PRKRIP1: variants seen among roughly 807,000 people sequenced by gnomAD.
The protein encoded by PRKRIP1 is PRKR-interacting protein 1.
In PRKRIP1, 29 loss-of-function variants were observed where a neutral mutation model predicts 29.3. The observed-to-expected ratio is 0.99, with a 90% CI of 0.74 to 1.35. The LOEUF is 1.35. Ranked by LOEUF, PRKRIP1 falls within the 40% of genes most tolerant of loss-of-function variation. The pLI, the probability that PRKRIP1 is intolerant of heterozygous loss-of-function variation, is 0.00. For missense variants in PRKRIP1, 247 were observed against 236.8 expected (o/e 1.04, Z -0.28); for synonymous variants, 90 against 85.1 (o/e 1.06, Z -0.32).
intron 1 of PRKRIP1, among the ~76,000 whole-genome samples, chr7:102,396,805 T>C (rs1426075091): frequency 6.6e-6 from 1 of 152,108 alleles, no homozygotes; most frequent in African/African-American, 2.4e-5. Context: ...GGTTTAACTT[T>C]CTGTGAACAA....
chr7:102,414,884 T>C (rs1554572890), intron 5 of PRKRIP1, among the ~76,000 whole-genome samples: 1 of 150,860 alleles, frequency 6.6e-6, no homozygotes, highest in Non-Finnish European at 1.5e-5. Flanking sequence ...AGACCCTGTC[T>C]CAAAAAGGAA....
intron 5 of PRKRIP1, chr7:102,423,307 G>T: frequency 2.5e-6 from 1 of 392,946 alleles, no homozygotes; most frequent in Non-Finnish European, 5.1e-6. Flanking sequence ...TAGAGATGAG[G>T]TTTCCCCCAT....
intron 3 of PRKRIP1, among the ~76,000 whole-genome samples, chr7:102,403,474 A>G (rs1019836844): frequency 6.6e-6 from 1 of 152,192 alleles, no homozygotes; most frequent in Non-Finnish European, 1.5e-5. Context: ...ACTTTGAATC[A>G]GTAGATGTCT....
chr7:102,419,749 G>T (rs1387101801), intron 5 of PRKRIP1, among the ~76,000 whole-genome samples: 1 of 151,984 alleles, frequency 6.6e-6, no homozygotes, highest in African/African-American at 2.4e-5. Flanking sequence ...ATAGACCACC[G>T]TTTACCCACT....
chr7:102,415,887 G>A lies in PRKRIP1; in HGVS notation c.457+8389G>A, dbSNP rs557712647. ...TGGCCCTCACGGTCTGGCCCCTTCC[G>A]GTCTCCACCATGCTGGTCTGTTCAC... On this transcript the variant is annotated intron_variant, in intron 5 of 5. Coordinates refer to ENST00000397912, the MANE Select transcript of PRKRIP1 (RefSeq NM_024653.4). Among the ~76,000 whole-genome samples the A allele has an allele frequency of 1.2e-4, 19 of 152,332 alleles. No individual in the cohort carries two copies. In the East Asian group the frequency reaches 2.7e-3, roughly 22 times the overall value.
At chr7:102,409,379 A>G (rs1796314050) in intron 5 of PRKRIP1, among the ~76,000 whole-genome samples, 1 of 152,190 alleles carries the variant, frequency 6.6e-6, no homozygotes, top group African/African-American at 2.4e-5. Flanking sequence ...CCACCGCAAC[A>G]GTAGATCATG....
In PRKRIP1 at chr7:102,423,703, T is replaced by A. The variant is rs112862581; in HGVS notation, c.458-1311T>A. 2.4e-3 allele frequency among the ~76,000 whole-genome samples: 348 copies of A among 146,152 alleles called. 2 individuals carry two copies. Among genetic ancestry groups the A allele is most frequent in the African/African-American group, 8.1e-3 (325 of 40,082 alleles). ...TAAAATATCCTCACCATTTAAACTTTAAAAAAAAAAAAATCTGTGCCCAGG... is the reference window on the plus strand; with the variant it reads ...TAAAATATCCTCACCATTTAAACTTAAAAAAAAAAAAAATCTGTGCCCAGG... On this transcript the variant is annotated intron_variant, in intron 5 of 5. Transcript: ENST00000397912.
At chr7:102,410,193 G>T (rs910165928) in intron 5 of PRKRIP1, among the ~76,000 whole-genome samples, 2 of 152,154 alleles carry the variant, frequency 1.3e-5, no homozygotes, top group Admixed American at 1.3e-4. Flanking sequence ...CAGCAGAGGC[G>T]AGCGGTCAGG....
intron 5 of PRKRIP1, among the ~76,000 whole-genome samples, chr7:102,417,620 CTTTT>C (rs1276644958): frequency 1.6e-5 from 2 of 127,404 alleles, no homozygotes; most frequent in Non-Finnish European, 3.3e-5. Context: ...TTGTGGGTAC[CTTTT>C]TTTTTTTTTT....
chr7:102,396,448 A>T lies in PRKRIP1; in HGVS notation c.37A>T (p.Arg13Trp). Residue 13 changes from arginine to tryptophan, a missense_variant, in exon 1 of 6, where the codon AGG (arginine) becomes TGG (tryptophan). Coordinates refer to ENST00000397912, the MANE Select transcript of PRKRIP1 (RefSeq NM_024653.4). ...SPAASSVRPP[R>W]PKKEPQTLVI... is the part of the protein sequence containing the mutation. ...AGCCGCCTCCTCGGTGCGACCACCG[A>T]GGCCCAAGAAAGAGCCGCAGACGCT... 2 of 1,604,832 alleles carry T rather than the reference A, an allele frequency of 1.2e-6. No individual in the cohort carries two copies. Among genetic ancestry groups the T allele is most frequent in the Non-Finnish European group, 1.7e-6 (2 of 1,177,806 alleles).
At chr7:102,422,143 A>AAGTATT (rs1554573825) in intron 5 of PRKRIP1, among the ~76,000 whole-genome samples, 1 of 133,384 alleles carries the variant, frequency 7.5e-6, no homozygotes. Context: ...TCATACACAA[A>AAGTATT]ATTATTATTA....
In PRKRIP1 at chr7:102,397,675, C is replaced by A; in HGVS notation, c.182C>A (p.Pro61Gln). Residue 61 changes from proline (P) to glutamine (Q), a missense_variant, in exon 2 of 6, where the codon CCA (proline) becomes CAA (glutamine). Physicochemically the swap from Pro to Gln is moderately conservative, Grantham distance 76. This residue lies in a region of PRKRIP1 where 105 missense variants were observed against 80.2 expected (regional missense o/e 1.31). Transcript: ENST00000397912. The stretch of plus-strand genomic sequence containing the variant: ...AGTGAATGGGCACCTCGACCTCCCC[C>A]AGAATTTGTCCGAGATGTCATGGGT... ...KMSEWAPRPP[P>Q]EFVRDVMGSS... The A allele has an allele frequency of 6.2e-7, 1 of 1,613,812 alleles. No individual in the cohort carries two copies. Among genetic ancestry groups the A allele is most frequent in the Non-Finnish European group, 8.5e-7 (1 of 1,179,908 alleles).
At chr7:102,423,273 C>G in intron 5 of PRKRIP1, 1 of 411,028 alleles carries the variant, frequency 2.4e-6, no homozygotes, top group Non-Finnish European at 4.9e-6. Flanking sequence ...CGCCACCACG[C>G]CTGGCTAATT....
At chr7:102,424,469 T>C (rs1271486904) in intron 5 of PRKRIP1, among the ~76,000 whole-genome samples, 2 of 152,244 alleles carry the variant, frequency 1.3e-5, no homozygotes, top group Non-Finnish European at 2.9e-5. Context: ...CATGCTCGGC[T>C]TCTGGCTGGC....
intron 5 of PRKRIP1, among the ~76,000 whole-genome samples, chr7:102,418,942 G>T (rs148380330): frequency 6.6e-6 from 1 of 151,352 alleles, no homozygotes; most frequent in Non-Finnish European, 1.5e-5. Context: ...GCGATCCTCC[G>T]GCCTCAACCT....
At chr7:102,416,186 T>C (rs1318971228) in intron 5 of PRKRIP1, among the ~76,000 whole-genome samples, 3 of 152,242 alleles carry the variant, frequency 2.0e-5, no homozygotes, top group Admixed American at 1.3e-4. Context: ...TGCTTGTCCA[T>C]TCAGCTATGT....
chr7:102,412,780 G>T (rs1394831003), intron 5 of PRKRIP1, among the ~76,000 whole-genome samples: 8 of 152,318 alleles, frequency 5.3e-5, no homozygotes, highest in Admixed American at 4.6e-4. Flanking sequence ...AAAGCAGGAG[G>T]GGCAGCTGGC....
chr7:102,415,812 C>T (rs1443564880), intron 5 of PRKRIP1, among the ~76,000 whole-genome samples: 1 of 152,240 alleles, frequency 6.6e-6, no homozygotes, highest in Admixed American at 6.5e-5. Context: ...CACCCACACC[C>T]GCCCATGAGG....
chr7:102,396,562 G>A (rs782570048), intron 1 of PRKRIP1, 25 bp downstream of exon 1: 2 of 1,598,268 alleles, frequency 1.3e-6, no homozygotes, highest in East Asian at 4.6e-5. Flanking sequence ...AGGCTCCACG[G>A]CCCGTCCGAG....
Sources: allele counts gnomAD v4.1 joint callset (sites outside exome capture counted in the v4.1 genomes callset), GRCh38; gene constraint gnomAD v4.1.1; regional missense constraint gnomAD v4.1.1; transcripts MANE v1.5; gene names NCBI Gene and HGNC (gene_info 2026-07-23, HGNC 2026-07-21).